TJP3: variants seen among roughly 807,000 people sequenced by gnomAD.
TJP3 encodes the protein tight junction protein 3, also known as tight junction protein ZO-3.
TJP3 carries 85 observed loss-of-function variants against 104.2 expected under a neutral mutation model. That is an observed-to-expected ratio of 0.82 (90% confidence interval 0.68 to 0.98). The LOEUF (loss-of-function observed/expected upper bound fraction) is 0.98, where lower values mean the gene tolerates loss of function less well. TJP3 is among the 50% of genes least tolerant of loss of function. TJP3 has a pLI of 0.00. For missense variants in TJP3, 1,367 were observed against 1,322.8 expected (o/e 1.03, Z -0.52); for synonymous variants, 550 against 550.6 (o/e 1.00, Z 0.02).
At position 3,746,771 on chromosome 19, in the gene TJP3, T is replaced by G; in HGVS notation, c.2222-5T>G. The G allele has an allele frequency of 6.2e-7, 1 of 1,606,490 alleles. No homozygotes were observed. On this transcript the variant is annotated splice_region_variant and splice_polypyrimidine_tract_variant and intron_variant, in intron 17 of 20. Coordinates refer to ENST00000541714, the MANE Select transcript of TJP3 (RefSeq NM_001267560.2). This position sits in a 1 kb window ranked among gnomAD's most constrained non-coding sequence, Gnocchi z 4.1. Reference sequence around the variant, plus strand: ...CCTGCACACACTGACGTCCCCTCCCTGCAGCCACCATCCCTCTGAATGGCA... The same window carrying G: ...CCTGCACACACTGACGTCCCCTCCCGGCAGCCACCATCCCTCTGAATGGCA...
intron 15 of TJP3, among the ~76,000 whole-genome samples, chr19:3,745,096 G>T (rs7253329): frequency 0.5 from 66,670 of 134,450 alleles, 15,632 homozygotes; most frequent in Admixed American, 0.57. Flanking sequence ...AAAGAAAAAA[G>T]AATTTTTTTA....
At chr19:3,728,351 G>A in intron 1 of TJP3, 73 bp from the exon 2 acceptor site, 1 of 1,611,982 alleles carries the variant, frequency 6.2e-7, no homozygotes, top group South Asian at 1.1e-5. Flanking sequence ...TCCCCACCCT[G>A]AGCTGGGGAC....
At chr19:3,714,442 T>G (rs939050762) in intron 1 of TJP3, among the ~76,000 whole-genome samples, 3 of 150,972 alleles carry the variant, frequency 2.0e-5, no homozygotes, top group African/African-American at 4.9e-5. Flanking sequence ...CCTCCCAAAG[T>G]GCTGGGATTA....
rs1008155043 is a variant in TJP3 at position 3,746,265 on chromosome 19, A to G, written c.2010+184A>G. 2.8e-4 allele frequency among the ~76,000 whole-genome samples: 42 copies of G among 152,068 alleles called. No homozygotes were observed. The highest frequency in any genetic ancestry group is 5.4e-4 in the Non-Finnish European group (37 of 67,998). On this transcript the variant is annotated intron_variant, in intron 16 of 20. Transcript: ENST00000541714. This position sits in a 1 kb window ranked among gnomAD's most constrained non-coding sequence, Gnocchi z 4.1. ...AGACAAGGGCTTCTCGGAGTCAAACAGCAGCCAGCCCTGGGCAAAGGCAGA... is the reference window on the plus strand; with the variant it reads ...AGACAAGGGCTTCTCGGAGTCAAACGGCAGCCAGCCCTGGGCAAAGGCAGA...
chr19:3,718,272 G>C (rs1219929768), intron 1 of TJP3, among the ~76,000 whole-genome samples: 7 of 132,516 alleles, frequency 5.3e-5, no homozygotes, highest in Non-Finnish European at 1.1e-4. Flanking sequence ...TGTGTGTAGA[G>C]ATGGAAGTCT....
At chr19:3,741,099 C>G (rs2036810586) in intron 14 of TJP3, among the ~76,000 whole-genome samples, 1 of 152,066 alleles carries the variant, frequency 6.6e-6, no homozygotes, top group South Asian at 2.1e-4. Flanking sequence ...CTCCCTGATT[C>G]AAGCGATTCT....
intron 1 of TJP3, among the ~76,000 whole-genome samples, chr19:3,718,086 G>C (rs896836096): frequency 6.6e-6 from 1 of 150,706 alleles, no homozygotes; most frequent in African/African-American, 2.4e-5. Context: ...TGTGCCTGTA[G>C]TCCCAGCTAC....
chr19:3,718,434 G>A (rs1389886055), intron 1 of TJP3, among the ~76,000 whole-genome samples: 1 of 147,258 alleles, frequency 6.8e-6, no homozygotes, highest in African/African-American at 2.5e-5. Flanking sequence ...GGACAGGAAT[G>A]CAGCATTTTC....
In TJP3 at chr19:3,740,656, G is replaced by A. The variant is rs2036802623; in HGVS notation, c.1736G>A (p.Gly579Asp). ...NARAEFWRLR[G>D]LRRGAKKTTQ... ...CGGGCCGAGTTCTGGCGGCTGCGGG[G>A]TCTTCGTCGAGGAGCCAAGAAGACC... Residue 579 changes from glycine to aspartate, a missense_variant, in exon 14 of 21, where the codon GGT becomes GAT. By Grantham distance (94) the Gly-to-Asp change is moderately conservative (BLOSUM62 -1). Transcript: ENST00000541714. The A allele has an allele frequency of 1.9e-6, 3 of 1,607,050 alleles. No individual in the cohort carries two copies. Among genetic ancestry groups the A allele is most frequent in the East Asian group, 2.2e-5 (1 of 44,622 alleles).
rs1214885421 is a variant in TJP3 at position 3,733,895 on chromosome 19, ACAGCTCGCC to A, written c.861_869del (p.Asp287_Pro290delinsGlu). ...ATTCCGCCTGCTGTCAGTGACAGCG[ACAGCTCGCC>A]ATTGGAGGGTGAGGACCTAGAGGTT... On this transcript the variant is annotated inframe_deletion, in exon 7 of 21. Transcript: ENST00000541714. The A allele has an allele frequency of 6.2e-7, 1 of 1,614,084 alleles. No individual in the cohort carries two copies. Among genetic ancestry groups the A allele is most frequent in the Non-Finnish European group, 8.5e-7 (1 of 1,179,962 alleles).
intron 1 of TJP3, among the ~76,000 whole-genome samples, chr19:3,727,869 G>A (rs376972595): frequency 4.6e-5 from 7 of 152,058 alleles, no homozygotes; most frequent in African/African-American, 1.4e-4. Flanking sequence ...TTGAACTTGG[G>A]AGGCAGAGAC....
intron 14 of TJP3, 102 bp from the exon 15 acceptor site, chr19:3,743,837 T>C (rs2036852425): frequency 9.5e-7 from 1 of 1,056,202 alleles, no homozygotes; most frequent in Non-Finnish European, 1.4e-6. Flanking sequence ...CCTGGTTAAA[T>C]AGGCTGTTTA....
intron 19 of TJP3, among the ~76,000 whole-genome samples, chr19:3,748,532 TG>T (rs1568389645): frequency 6.6e-6 from 1 of 150,850 alleles, no homozygotes; most frequent in East Asian, 1.9e-4. Flanking sequence ...CCTCCCAAAG[TG>T]CTGGGATTAC....
chr19:3,726,003 C>T (rs1295268176), intron 1 of TJP3, among the ~76,000 whole-genome samples: 2 of 152,228 alleles, frequency 1.3e-5, no homozygotes, highest in African/African-American at 4.8e-5. Flanking sequence ...CTTCCCACTC[C>T]TGGAGATCAG....
At chr19:3,716,074 C>G (rs533405911) in intron 1 of TJP3, among the ~76,000 whole-genome samples, 1 of 145,622 alleles carries the variant, frequency 6.9e-6, no homozygotes, top group African/African-American at 2.5e-5. Context: ...CCACCACGCC[C>G]GACTTGTTTT....
At chr19:3,735,418 T>G (rs1473122941) in intron 8 of TJP3, 148 bp from the exon 9 acceptor site, 2 of 755,034 alleles carry the variant, frequency 2.6e-6, no homozygotes, top group Non-Finnish European at 4.5e-6. Flanking sequence ...AGGCTGGTCT[T>G]GAAATCCTGA....
intron 15 of TJP3, among the ~76,000 whole-genome samples, chr19:3,745,359 G>A (rs1218265594): frequency 6.6e-6 from 1 of 151,844 alleles, no homozygotes; most frequent in Non-Finnish European, 1.5e-5. Context: ...GGCCAGGCTG[G>A]TCTCAAACTT....
rs762075527 is a variant in TJP3, at chr19:3,740,672, CAAG to C, written c.1757_1759del (p.Lys586del). ...GGCTGCGGGGTCTTCGTCGAGGAGC[CAAG>C]AAGACCACTCAGCGGAGCCGTGAGG... On this transcript the variant is annotated inframe_deletion, in exon 14 of 21. Coordinates refer to ENST00000541714, the MANE Select transcript of TJP3 (RefSeq NM_001267560.2). 5 of 1,607,756 alleles carry C rather than the reference CAAG, an allele frequency of 3.1e-6. No individual in the cohort carries two copies. Among genetic ancestry groups the C allele is most frequent in the Non-Finnish European group, 4.2e-6 (5 of 1,177,734 alleles).
At position 3,750,076 on chromosome 19, in the gene TJP3, T is replaced by C. The variant is rs527652529; in HGVS notation, c.2611-62T>C. 105 of 1,609,312 alleles carry C rather than the reference T, an allele frequency of 6.5e-5. 3 individuals carry two copies. The East Asian group carries it at 1.1e-3, about 17-fold the overall frequency. On this transcript the variant is annotated intron_variant, in intron 19 of 20. Coordinates refer to ENST00000541714, the MANE Select transcript of TJP3 (RefSeq NM_001267560.2). ...GTGGGGGATGGGATGGAGGTGGTTA[T>C]TGATCTCGACTCACCATGCTCTGGG...
Sources: gnomAD v4.1 joint callset for allele counts (sites outside exome capture counted in the v4.1 genomes callset) on GRCh38, gnomAD v4.1.1 for gene constraint, Gnocchi (gnomAD v3.1) non-coding constraint, MANE v1.5 for transcripts, NCBI Gene and HGNC (gene_info 2026-07-23, HGNC 2026-07-21) for gene names.